ALK: variants seen among roughly 807,000 people sequenced by gnomAD.
ALK encodes ALK receptor tyrosine kinase.
In ALK, 74 loss-of-function variants were observed where a neutral mutation model predicts 163.1. The observed-to-expected ratio is 0.45, with a 90% CI of 0.38 to 0.55. The LOEUF is 0.55. Ranked by LOEUF, ALK falls within the 20% of genes least tolerant of loss-of-function variation. ALK has a pLI of 0.00. For synonymous variants in ALK, 960 were observed against 843.2 expected, an observed-to-expected ratio of 1.14 and a Z score of -2.40; for missense variants, 2,063 against 2,105.3, an observed-to-expected ratio of 0.98 and a Z score of 0.39.
chr2:29,347,082 G>A (rs1667971127), intron 5 of ALK, among the ~76,000 whole-genome samples: 1 of 152,134 alleles, frequency 6.6e-6, no homozygotes, highest in South Asian at 2.1e-4. Flanking sequence ...CAAGGTACAT[G>A]ATTTCAGTTA....
chr2:29,847,669 G>A (rs1251800780), intron 1 of ALK, among the ~76,000 whole-genome samples: 1 of 151,982 alleles, frequency 6.6e-6, no homozygotes, highest in Non-Finnish European at 1.5e-5. Flanking sequence ...GAAAATAGGT[G>A]GATTTTCCTC....
chr2:29,856,430 C>A (rs1206076336), intron 1 of ALK, among the ~76,000 whole-genome samples: 1 of 152,160 alleles, frequency 6.6e-6, no homozygotes. Flanking sequence ...TAATGTGTAC[C>A]AGGTATTTTA....
In ALK at chr2:29,532,045, T is replaced by G. The variant is rs973756393; in HGVS notation, c.1024A>C (p.Ser342Arg). The G allele has an allele frequency of 1.2e-6, 2 of 1,613,982 alleles. No individual in the cohort carries two copies. The highest frequency in any genetic ancestry group is 1.3e-5 in the African/African-American group (1 of 74,908). Residue 342 changes from serine (S) to arginine (R), a missense_variant, in exon 4 of 29, where the codon AGT (serine) becomes CGT (arginine). Ser to Arg is a moderately radical substitution (Grantham distance 110, BLOSUM62 -1). Around this residue, in one of 5 missense-constraint regions of ALK, gnomAD observed 987 missense variants for 939.5 expected, o/e 1.05. Transcript: ENST00000389048. ...GAGACGGCCAGTGTGCAGTGCTCAC[T>G]GCTGCTCCTCATCCACGGACTCAGG... The part of the protein sequence containing the change: ...TILSPWMRSS[S>R]EHCTLAVSVH...
intron 8 of ALK, among the ~76,000 whole-genome samples, chr2:29,302,735 T>C (rs1461630464): frequency 1.3e-5 from 2 of 152,186 alleles, no homozygotes; most frequent in Admixed American, 6.5e-5. Context: ...TTTGGCCATT[T>C]TTTTTCATCC....
chr2:29,711,835 C>CAT (rs1343848328), intron 2 of ALK, among the ~76,000 whole-genome samples: 2 of 152,314 alleles, frequency 1.3e-5, no homozygotes, highest in Admixed American at 6.5e-5. Context: ...TTCCCCTCAT[C>CAT]ATCTGTTTCC....
At chr2:29,914,437 C>T (rs1317300473) in intron 1 of ALK, among the ~76,000 whole-genome samples, 1 of 152,162 alleles carries the variant, frequency 6.6e-6, no homozygotes, top group African/African-American at 2.4e-5. Flanking sequence ...GTATATGGAA[C>T]CCCTAGAGTT....
intron 11 of ALK, among the ~76,000 whole-genome samples, chr2:29,252,429 T>A (rs2148198942): frequency 6.6e-6 from 1 of 152,358 alleles, no homozygotes; most frequent in South Asian, 2.1e-4. Flanking sequence ...GCATGCATAA[T>A]TTTGCTAAGA....
chr2:29,251,878 C>T (rs989497895), intron 11 of ALK, among the ~76,000 whole-genome samples: 2 of 152,218 alleles, frequency 1.3e-5, no homozygotes, highest in South Asian at 4.1e-4. Flanking sequence ...GGAAGCCCTG[C>T]ACTCCCTGGC....
At chr2:29,800,137 T>C (rs1426793677) in intron 1 of ALK, among the ~76,000 whole-genome samples, 4 of 152,020 alleles carry the variant, frequency 2.6e-5, no homozygotes, top group Non-Finnish European at 5.9e-5. Flanking sequence ...TGGAGAGGAA[T>C]GTGAAAGCCA....
chr2:29,193,564 C>A lies in ALK; in HGVS notation c.4523G>T (p.Gly1508Val), dbSNP rs2148138035. 1 of 1,614,192 alleles carries A rather than the reference C, an allele frequency of 6.2e-7. No individual in the cohort carries two copies. The highest frequency in any genetic ancestry group is 2.2e-5 in the East Asian group (1 of 44,890). Residue 1508 changes from glycine (G) to valine (V), a missense_variant, in exon 29 of 29, where the codon GGC becomes GTC. By Grantham distance (109) the Gly-to-Val change is moderately radical (BLOSUM62 -3). This residue lies in a region of ALK where 403 missense variants were observed against 366.2 expected (regional missense o/e 1.10). Transcript: ENST00000389048. ...KPTSLWNPTY[G>V]SWFTEKPTKK... is the part of the protein sequence containing the mutation. ...GGTGGGTTTCTCTGTAAACCAGGAG[C>A]CGTACGTTGGGTTCCACAAGCTGGT...
At chr2:29,561,876 C>T (rs1255532809) in intron 3 of ALK, among the ~76,000 whole-genome samples, 1 of 152,000 alleles carries the variant, frequency 6.6e-6, no homozygotes, top group Non-Finnish European at 1.5e-5. Context: ...TCAGTCCCAC[C>T]CCTAGATATA....
At chr2:29,792,736 C>A (rs1664217451) in intron 1 of ALK, among the ~76,000 whole-genome samples, 1 of 151,516 alleles carries the variant, frequency 6.6e-6, no homozygotes, top group South Asian at 2.1e-4. Context: ...GGTTTTGGTG[C>A]ATATAAAAGT....
chr2:29,249,316 G>A (rs992518911), intron 12 of ALK, among the ~76,000 whole-genome samples: 2 of 152,154 alleles, frequency 1.3e-5, no homozygotes, highest in African/African-American at 2.4e-5. Context: ...TTTCCTGTGC[G>A]CCTCCCAGCG....
At chr2:29,450,547 A>G (rs983938547) in intron 4 of ALK, among the ~76,000 whole-genome samples, 12 of 152,206 alleles carry the variant, frequency 7.9e-5, no homozygotes, top group Non-Finnish European at 1.2e-4. Flanking sequence ...GAGGGTAGAT[A>G]GATTAAGCTC....
intron 11 of ALK, among the ~76,000 whole-genome samples, chr2:29,252,832 T>TTTC (rs1226765079): frequency 6.8e-6 from 1 of 146,866 alleles, no homozygotes; most frequent in Non-Finnish European, 1.5e-5. Context: ...TGATTTTTTA[T>TTTC]TTATTTTTTT....
intron 3 of ALK, among the ~76,000 whole-genome samples, chr2:29,537,007 A>T (rs1573438574): frequency 6.6e-6 from 1 of 152,250 alleles, no homozygotes; most frequent in Non-Finnish European, 1.5e-5. Context: ...GTCTATGATC[A>T]GATATGGGAG....
At chr2:29,636,166 A>C (rs904798797) in intron 3 of ALK, among the ~76,000 whole-genome samples, 1 of 152,194 alleles carries the variant, frequency 6.6e-6, no homozygotes, top group Non-Finnish European at 1.5e-5. Flanking sequence ...TGGGGGAGGA[A>C]TATACACATA....
At chr2:29,668,549 T>C (rs1677587184) in intron 3 of ALK, among the ~76,000 whole-genome samples, 1 of 152,158 alleles carries the variant, frequency 6.6e-6, no homozygotes, top group African/African-American at 2.4e-5. Flanking sequence ...TTTCTGTGTC[T>C]GTGTATTTTC....
intron 1 of ALK, among the ~76,000 whole-genome samples, chr2:29,866,703 A>G (rs1355572828): frequency 6.6e-6 from 1 of 152,226 alleles, no homozygotes; most frequent in Admixed American, 6.5e-5. Context: ...TTAAAGATGA[A>G]AAGAACTTCG....
Sources: gnomAD v4.1 joint callset for allele counts (sites outside exome capture counted in the v4.1 genomes callset) on GRCh38, gnomAD v4.1.1 for gene constraint, gnomAD v4.1.1 regional missense constraint, MANE v1.5 for transcripts, NCBI Gene and HGNC (gene_info 2026-07-23, HGNC 2026-07-21) for gene names.